PP2D1: variants seen among roughly 807,000 people sequenced by gnomAD.
PP2D1 encodes protein phosphatase 2C like domain containing 1.
PP2D1 carries 25 observed loss-of-function variants against 30.2 expected under a neutral mutation model. The observed-to-expected ratio is 0.83, with a 90% CI of 0.60 to 1.16. The LOEUF is 1.16. Ranked by LOEUF, PP2D1 falls within the 50% of genes most tolerant of loss-of-function variation. The pLI is 0.00. For synonymous variants in PP2D1, 260 were observed against 258.9 expected (o/e 1.00, Z -0.04); for missense variants, 760 against 742.4 (o/e 1.02, Z -0.28).
intron 2 of PP2D1, among the ~76,000 whole-genome samples, chr3:19,991,073 G>A (rs1463516987): frequency 1.3e-5 from 2 of 152,184 alleles, no homozygotes; most frequent in Non-Finnish European, 2.9e-5. Context: ...AGTATTTGGA[G>A]AGATTGCGCT....
chr3:19,991,504 G>A (rs113433108), intron 2 of PP2D1, among the ~76,000 whole-genome samples: 2 of 152,312 alleles, frequency 1.3e-5, no homozygotes, highest in African/African-American at 4.8e-5. Context: ...ATACGTGATG[G>A]GTGAAGCAGG....
At chr3:19,996,270 C>T (rs966507805) in intron 2 of PP2D1, among the ~76,000 whole-genome samples, 6 of 151,988 alleles carry the variant, frequency 3.9e-5, no homozygotes, top group African/African-American at 1.2e-4. Context: ...ACAGATGCCA[C>T]TAAAAAACAA....
downstream of PP2D1, among the ~76,000 whole-genome samples, chr3:19,982,619 C>T (rs1696950802): frequency 1.3e-5 from 2 of 151,930 alleles, no homozygotes; most frequent in African/African-American, 4.8e-5. Flanking sequence ...GAGTCTGAGG[C>T]GGAAGAGTTG....
At position 20,001,797 on chromosome 3, in the gene PP2D1, A is replaced by T; in HGVS notation, c.323T>A (p.Val108Asp). The change falls in exon 2 of 3, where the codon GTT becomes GAT. Residue 108 changes from valine (V) to aspartate (D), a missense_variant. Transcript: ENST00000389050. ...RKKPQPSVIA[V>D]QRQFMISKLL... ...TTTAGAAATCATGAACTGTCTCTGA[A>T]CAGCAATCACTGAGGGCTGTGGTTT... 6.5e-7 allele frequency: 1 copy of T among 1,535,278 alleles called. No homozygotes were observed. Among genetic ancestry groups the T allele is most frequent in the Non-Finnish European group, 8.7e-7 (1 of 1,146,634 alleles).
chr3:20,012,085 T>G lies in PP2D1; in HGVS notation c.-13A>C. Reference sequence around the variant, plus strand: ...TATTGGTGCTCATGTTCCTTTGGAATTACCTTTCTTTGCCCTCCCTTTATC... The same window carrying G: ...TATTGGTGCTCATGTTCCTTTGGAAGTACCTTTCTTTGCCCTCCCTTTATC... On this transcript the variant is annotated 5_prime_UTR_variant, in exon 1 of 3. Coordinates refer to ENST00000389050, the MANE Select transcript of PP2D1 (RefSeq NM_001252657.2). 1 of 1,531,130 alleles carries G rather than the reference T, an allele frequency of 6.5e-7. No individual in the cohort carries two copies. The highest frequency in any genetic ancestry group is 2.5e-5 in the East Asian group (1 of 40,712). The allele number at this position is 1,531,130 out of a possible 1,614,324, so 94.8% of individuals were successfully genotyped here.
At position 20,001,711 on chromosome 3, in the gene PP2D1, G is replaced by A; in HGVS notation, c.409C>T (p.Leu137=). Residue 137 remains leucine, a synonymous_variant, in exon 2 of 3, where the codon CTG becomes TTG. Transcript: ENST00000389050. Reference sequence around the variant, plus strand: ...GCTGGTATTTGTTTTTTCCAAAGCAGCTCAAAAGCATTATTAATGCTCTGT... The same window carrying A: ...GCTGGTATTTGTTTTTTCCAAAGCAACTCAAAAGCATTATTAATGCTCTGT... ...TLQSINNAFE[L]LWKKQIPAYY... 1.3e-6 allele frequency: 2 copies of A among 1,532,898 alleles called. No individual in the cohort carries two copies. The highest frequency in any genetic ancestry group is 1.7e-6 in the Non-Finnish European group (2 of 1,145,596). The allele number at this position is 1,532,898 out of a possible 1,614,324, so 95.0% of individuals were successfully genotyped here. A position where few individuals can be genotyped will look rare whatever the true frequency, so the allele number is the denominator to read the frequency against.
chr3:19,985,855 G>A lies in PP2D1; in HGVS notation c.1418C>T (p.Thr473Ile). Residue 473 changes from threonine (T) to isoleucine (I), a missense_variant, in exon 3 of 3, where the codon ACA (threonine) becomes ATA (isoleucine). Thr to Ile is a moderately conservative substitution (Grantham distance 89). This residue lies in a region of PP2D1 where 369 missense variants were observed against 316.2 expected (regional missense o/e 1.17). Transcript: ENST00000389050. ...GTATGTTTCTTTATACATGTGAAAT[G>A]TTGTCATTGCCAGGGCAGTAACTTC... ...KEEVTALAMTTFHMYKETYCP... is the reference protein window; with the variant it reads ...KEEVTALAMTIFHMYKETYCP... 1 of 1,536,320 alleles carries A rather than the reference G, an allele frequency of 6.5e-7. No individual in the cohort carries two copies. Among genetic ancestry groups the A allele is most frequent in the South Asian group, 1.2e-5 (1 of 84,068 alleles).
rs767892531 is a variant in PP2D1, at chr3:19,985,711, G to C, written c.1562C>G (p.Ser521Cys). 7 of 1,535,712 alleles carry C rather than the reference G, an allele frequency of 4.6e-6. No homozygotes were observed. In the South Asian group the frequency reaches 7.1e-5, roughly 16 times the overall value. ...IHVLFQYKSV[S>C]EVRVSTTNSK... The stretch of plus-strand genomic sequence containing the variant: ...ATTTGTAGTTGACACACGTACTTCA[G>C]ATACAGATTTATACTGAAACAATAC... The change falls in exon 3 of 3, where the codon TCT becomes TGT. Residue 521 changes from serine (S) to cysteine (C), a missense_variant. Coordinates refer to ENST00000389050, the MANE Select transcript of PP2D1 (RefSeq NM_001252657.2).
chr3:20,007,424 G>T (rs935015763), intron 1 of PP2D1, among the ~76,000 whole-genome samples: 1 of 151,910 alleles, frequency 6.6e-6, no homozygotes, highest in Non-Finnish European at 1.5e-5. Context: ...TTTTTCAGGG[G>T]AGGAAAAAGC....
downstream of PP2D1, among the ~76,000 whole-genome samples, chr3:19,981,350 C>T (rs545321082): frequency 6.6e-6 from 1 of 152,280 alleles, no homozygotes; most frequent in African/African-American, 2.4e-5. Context: ...GGCTCACTAC[C>T]TGTAATCCCA....
downstream of PP2D1, among the ~76,000 whole-genome samples, chr3:19,980,577 A>C (rs1696906693): frequency 6.6e-6 from 1 of 151,994 alleles, no homozygotes; most frequent in African/African-American, 2.4e-5. Flanking sequence ...TACCTCCTTC[A>C]TCCTCTTAAT....
At chr3:20,005,437 C>T (rs1470086687) in intron 1 of PP2D1, among the ~76,000 whole-genome samples, 2 of 152,152 alleles carry the variant, frequency 1.3e-5, no homozygotes, top group Admixed American at 6.5e-5. Flanking sequence ...CAGGCATTAG[C>T]CACTGTGCCC....
At chr3:19,995,890 A>T (rs2125141532) in intron 2 of PP2D1, among the ~76,000 whole-genome samples, 1 of 152,362 alleles carries the variant, frequency 6.6e-6, no homozygotes, top group Non-Finnish European at 1.5e-5. Flanking sequence ...TGAAGAAATT[A>T]TAAAGGAAAT....
rs1201978056 is a variant in PP2D1 at position 20,008,929 on chromosome 3, C to G, written c.23+3121G>C. 4.6e-5 allele frequency among the ~76,000 whole-genome samples: 7 copies of G among 152,108 alleles called. 1 individual carries two copies. The East Asian group carries it at 1.4e-3, about 29-fold the overall frequency. On this transcript the variant is annotated intron_variant, in intron 1 of 2. Coordinates refer to ENST00000389050, the MANE Select transcript of PP2D1 (RefSeq NM_001252657.2). ...GAAAAAAAAGCCTGCTCATTCTGCC[C>G]TAAGTGAAAAGGACACTGAGAACTA...
intron 2 of PP2D1, among the ~76,000 whole-genome samples, chr3:19,996,560 G>A (rs1030370121): frequency 6.6e-6 from 1 of 152,016 alleles, no homozygotes; most frequent in East Asian, 1.9e-4. Flanking sequence ...GAAGAGGAAG[G>A]AATTCTTTTT....
chr3:19,981,507 G>A (rs1168524344), downstream of PP2D1, among the ~76,000 whole-genome samples: 2 of 152,000 alleles, frequency 1.3e-5, no homozygotes, highest in African/African-American at 4.8e-5. Context: ...CCAGCTACTT[G>A]GGAGGCTGAG....
chr3:20,002,224 G>T (rs1697265823), intron 1 of PP2D1, 128 bp from the exon 2 acceptor site: 1 of 624,586 alleles, frequency 1.6e-6, no homozygotes, highest in Non-Finnish European at 2.8e-6. Flanking sequence ...TAAATATTCT[G>T]AGTCATATTT....
chr3:20,000,994 A>C, intron 2 of PP2D1, 36 bp downstream of exon 2: 2 of 1,201,640 alleles, frequency 1.7e-6, no homozygotes, highest in Non-Finnish European at 2.1e-6. Flanking sequence ...AACCAAAAAC[A>C]TAAAGGTGTT....
intron 1 of PP2D1, among the ~76,000 whole-genome samples, chr3:20,006,855 C>A (rs1399723818): frequency 2.0e-5 from 3 of 151,860 alleles, no homozygotes; most frequent in African/African-American, 7.3e-5. Context: ...GGGCTCACTG[C>A]AACCTCTGCC....
Sources: gnomAD v4.1 joint callset for allele counts (sites outside exome capture counted in the v4.1 genomes callset) on GRCh38, gnomAD v4.1.1 for gene constraint, gnomAD v4.1.1 regional missense constraint, MANE v1.5 for transcripts, NCBI Gene and HGNC (gene_info 2026-07-23, HGNC 2026-07-21) for gene names.